SCP2: variants seen among roughly 807,000 people sequenced by gnomAD.
The protein encoded by SCP2 is SCP-2/3-oxoacyl-CoA thiolase.
Under a neutral mutation model 71.4 loss-of-function variants are expected in SCP2, and 48 were observed. That is an observed-to-expected ratio of 0.67 (90% CI 0.53 to 0.86). The LOEUF (loss-of-function observed/expected upper bound fraction) is 0.86, where lower values mean the gene tolerates loss of function less well. Among genes scored for constraint, SCP2 ranks in the 40% least tolerant of loss-of-function variants. SCP2 has a pLI of 0.00. For missense variants in SCP2, 560 were observed against 655.6 expected (o/e 0.85, Z 1.59); for synonymous variants, 220 against 218.1 (o/e 1.01, Z -0.08).
Position 53,050,701 on chromosome 1 carries a change from C to G in SCP2, c.1641C>G (p.Leu547=), listed in dbSNP as rs775648079. The G allele has an allele frequency of 3.1e-6, 5 of 1,601,818 alleles. No individual in the cohort carries two copies. The highest frequency in any genetic ancestry group is 4.3e-6 in the Non-Finnish European group (5 of 1,168,950). ...AGCTTCAGCCAGGCAACGCTAAGCTCTGAAGAACTCCCTTTGGCTACTTTT... is the reference window on the plus strand; with the variant it reads ...AGCTTCAGCCAGGCAACGCTAAGCTGTGAAGAACTCCCTTTGGCTACTTTT... The part of the protein sequence containing the change: ...NLQLQPGNAK[L] Residue 547 remains leucine, a synonymous_variant, in exon 16 of 16, where the codon CTC becomes CTG. Transcript: ENST00000371514.
At chr1:53,040,626 C>T (rs1004593790) in intron 14 of SCP2, among the ~76,000 whole-genome samples, 3 of 152,062 alleles carry the variant, frequency 2.0e-5, no homozygotes, top group Non-Finnish European at 4.4e-5. Flanking sequence ...GAGGCTGAGG[C>T]AGGAGAATGG....
At chr1:52,958,833 G>A (rs974295894) in intron 5 of SCP2, among the ~76,000 whole-genome samples, 2 of 152,208 alleles carry the variant, frequency 1.3e-5, no homozygotes, top group East Asian at 3.9e-4. Flanking sequence ...GGGATTACAG[G>A]TGTGAGCCAC....
At chr1:52,942,784 C>T (rs530309809) in intron 2 of SCP2, among the ~76,000 whole-genome samples, 44 of 149,170 alleles carry the variant, frequency 2.9e-4, no homozygotes, top group African/African-American at 9.9e-4. Flanking sequence ...ACTGCAACCT[C>T]GGACTCCCAG....
intron 13 of SCP2, among the ~76,000 whole-genome samples, chr1:53,033,162 C>G (rs1238689400): frequency 6.6e-6 from 1 of 152,138 alleles, no homozygotes; most frequent in South Asian, 2.1e-4. Flanking sequence ...TAGTCCCTGA[C>G]TAAATATTTT....
chr1:53,031,164 A>G (rs1423605204), intron 13 of SCP2, among the ~76,000 whole-genome samples: 1 of 152,160 alleles, frequency 6.6e-6, no homozygotes, highest in Non-Finnish European at 1.5e-5. Context: ...AAATTAATGT[A>G]GAGATTATCT....
chr1:53,016,979 G>T (rs1661380868), intron 12 of SCP2, among the ~76,000 whole-genome samples: 1 of 152,118 alleles, frequency 6.6e-6, no homozygotes, highest in African/African-American at 2.4e-5. Flanking sequence ...GAACAATGAA[G>T]AGGAGAGGTC....
rs147697594 is a variant in SCP2 at position 52,927,411 on chromosome 1, G to T, written c.15G>T (p.Pro5=). 39 of 1,598,134 alleles carry T rather than the reference G, an allele frequency of 2.4e-5. No homozygotes were observed. The African/African-American group carries it at 4.7e-4, about 19-fold the overall frequency. MSSS[P]WEPATLRRVF... ...CTGGTGCAGCCATGTCCTCTTCCCC[G>T]TGGGAGCCTGCGACCCTGCGCCGGG... is the stretch of plus-strand genomic sequence containing the variant. The change falls in exon 1 of 16, where the codon CCG becomes CCT. Residue 5 remains proline, a synonymous_variant. Transcript: ENST00000371514.
At chr1:52,987,006 ATTTTTTTT>A (rs1163545483) in intron 10 of SCP2, among the ~76,000 whole-genome samples, 2 of 110,488 alleles carry the variant, frequency 1.8e-5, no homozygotes, top group African/African-American at 8.0e-5. Context: ...ATATATATAT[ATTTTTTTT>A]TTTTTTTTTT....
intron 1 of SCP2, among the ~76,000 whole-genome samples, chr1:52,933,400 C>T (rs559639916): frequency 4.6e-5 from 7 of 151,632 alleles, no homozygotes; most frequent in African/African-American, 1.5e-4. Context: ...GGCAACATGG[C>T]AAAACCTCAT....
chr1:53,007,487 T>C lies in SCP2; in HGVS notation c.1082-7403T>C, dbSNP rs565390308. Among the ~76,000 whole-genome samples the C allele has an allele frequency of 7.9e-5, 12 of 152,140 alleles. 1 individual carries two copies. In the South Asian group the frequency reaches 1.7e-3, roughly 21 times the overall value. On this transcript the variant is annotated intron_variant, in intron 11 of 15. Coordinates refer to ENST00000371514, the MANE Select transcript of SCP2 (RefSeq NM_002979.5). ...GATTAAGAAACTCACTCAAAACCGCTCAACTACATGGAAACTGAACAGCCT... is the reference window on the plus strand; with the variant it reads ...GATTAAGAAACTCACTCAAAACCGCCCAACTACATGGAAACTGAACAGCCT...
At chr1:53,013,279 C>G (rs1421489694) in intron 11 of SCP2, among the ~76,000 whole-genome samples, 1 of 151,472 alleles carries the variant, frequency 6.6e-6, no homozygotes, top group Non-Finnish European at 1.5e-5. Flanking sequence ...CCATGCCTGG[C>G]TGATTTAAAA....
intron 11 of SCP2, among the ~76,000 whole-genome samples, chr1:52,990,016 T>C (rs148431090): frequency 3.3e-5 from 5 of 152,298 alleles, no homozygotes; most frequent in African/African-American, 1.2e-4. Context: ...ATTATGCAGG[T>C]AGAGGTCCAG....
At chr1:52,963,331 C>T (rs72899310) in intron 6 of SCP2, among the ~76,000 whole-genome samples, 10,129 of 152,054 alleles carry the variant, frequency 0.067, 575 homozygotes, top group East Asian at 0.21. Context: ...TATACACAGC[C>T]AAGCACAGAG....
At chr1:53,009,582 A>G (rs1660855521) in intron 11 of SCP2, among the ~76,000 whole-genome samples, 1 of 152,252 alleles carries the variant, frequency 6.6e-6, no homozygotes, top group Non-Finnish European at 1.5e-5. Context: ...ATATGTAGAA[A>G]GCTGAAACTG....
At chr1:52,930,274 C>T (rs967331177) in intron 1 of SCP2, among the ~76,000 whole-genome samples, 1 of 151,426 alleles carries the variant, frequency 6.6e-6, no homozygotes, top group Non-Finnish European at 1.5e-5. Context: ...GTTAAAGCAA[C>T]GCTTATTACA....
intron 6 of SCP2, among the ~76,000 whole-genome samples, chr1:52,967,188 A>G (rs1657048010): frequency 2.6e-5 from 4 of 152,102 alleles, no homozygotes; most frequent in Admixed American, 2.6e-4. Flanking sequence ...GGACTCCTCA[A>G]TTAAAAAAAA....
chr1:52,940,087 T>C (rs1009380928), intron 1 of SCP2, among the ~76,000 whole-genome samples: 2 of 152,158 alleles, frequency 1.3e-5, no homozygotes, highest in Non-Finnish European at 1.5e-5. Context: ...TATCTGATTG[T>C]TGTTTTATTC....
intron 9 of SCP2, 77 bp downstream of exon 9, chr1:52,978,444 T>A: frequency 1.7e-6 from 2 of 1,176,428 alleles, no homozygotes; most frequent in Non-Finnish European, 2.5e-6. Context: ...CCATGCATTA[T>A]TATATAATAA....
intron 11 of SCP2, among the ~76,000 whole-genome samples, chr1:53,000,603 G>A (rs1230225718): frequency 6.6e-6 from 1 of 152,118 alleles, no homozygotes; most frequent in Admixed American, 6.5e-5. Flanking sequence ...AGGTACTGTA[G>A]GGCTGTGAAA....
Sources: allele counts gnomAD v4.1 joint callset (sites outside exome capture counted in the v4.1 genomes callset), GRCh38; gene constraint gnomAD v4.1.1; transcripts MANE v1.5; gene names NCBI Gene and HGNC (gene_info 2026-07-23, HGNC 2026-07-21).